BICD1: variants seen among roughly 807,000 people sequenced by gnomAD.
BICD1 encodes protein bicaudal D homolog 1.
BICD1 carries 35 observed loss-of-function variants against 92.5 expected under a neutral mutation model. The observed-to-expected ratio is 0.38, with a 90% CI of 0.29 to 0.50. The LOEUF is 0.50. Among genes scored for constraint, BICD1 ranks in the 20% least tolerant of loss-of-function variants. BICD1 has a pLI of 0.93. For missense variants in BICD1, 950 were observed against 1,189.8 expected, an observed-to-expected ratio of 0.80 and a Z score of 2.97; for synonymous variants, 429 against 465.1, an observed-to-expected ratio of 0.92 and a Z score of 1.00.
rs144797122 is a variant in BICD1, at chr12:32,281,474, C to A, written c.427-12520C>A. 4.9e-3 allele frequency among the ~76,000 whole-genome samples: 744 copies of A among 152,244 alleles called. 4 individuals carry two copies. The highest frequency in any genetic ancestry group is 0.017 in the African/African-American group (693 of 41,530). ...CCATCAGCTTGTTATTGGCTGGCAC[C>A]ACAGAGATGTGTTTCTCTGGCCCTC... is the stretch of plus-strand genomic sequence containing the variant. On this transcript the variant is annotated intron_variant, in intron 2 of 9. Transcript: ENST00000652176.
chr12:32,282,184 C>A, intron 2 of BICD1, among the ~76,000 whole-genome samples: 2 of 147,134 alleles, frequency 1.4e-5, no homozygotes, highest in East Asian at 2.0e-4. Context: ...AAAGCAAGAC[C>A]CAGCTTCAGG....
chr12:32,237,049 G>C (rs1240096894), intron 2 of BICD1, among the ~76,000 whole-genome samples: 1 of 151,712 alleles, frequency 6.6e-6, no homozygotes, highest in Non-Finnish European at 1.5e-5. Flanking sequence ...TAATTTTTTT[G>C]TATTTTTAAT....
intron 3 of BICD1, among the ~76,000 whole-genome samples, chr12:32,299,829 C>T (rs944144494): frequency 2.6e-5 from 4 of 152,136 alleles, no homozygotes; most frequent in African/African-American, 9.7e-5. Context: ...AAGTCTAGGC[C>T]ATCAATTGAA....
chr12:32,253,978 G>A (rs1946643396), intron 2 of BICD1, among the ~76,000 whole-genome samples: 1 of 146,380 alleles, frequency 6.8e-6, no homozygotes, highest in Admixed American at 6.7e-5. Context: ...CATAATCACT[G>A]CCGTATCCCA....
At chr12:32,169,225 GA>G (rs1183576933) in intron 1 of BICD1, among the ~76,000 whole-genome samples, 1 of 152,118 alleles carries the variant, frequency 6.6e-6, no homozygotes, top group Non-Finnish European at 1.5e-5. Flanking sequence ...TTATTTTCAA[GA>G]AAAATAATAG....
intron 2 of BICD1, among the ~76,000 whole-genome samples, chr12:32,232,365 T>G (rs1254026583): frequency 6.6e-6 from 1 of 152,112 alleles, no homozygotes; most frequent in Non-Finnish European, 1.5e-5. Flanking sequence ...TTCATGTGTT[T>G]TTTGGCTGCA....
At position 32,325,802 on chromosome 12, in the gene BICD1, C is replaced by T. The variant is rs537515919; in HGVS notation, c.1006-1659C>T. Among the ~76,000 whole-genome samples the T allele has an allele frequency of 1.5e-4, 23 of 152,106 alleles. 1 individual carries two copies. Among genetic ancestry groups the T allele is most frequent in the African/African-American group, 5.3e-4 (22 of 41,512 alleles). ...TTGAAAGTTTGAATTGGGCCAGGCGCGGTGGCTCACGCCTATAATCTTTGG... is the reference window on the plus strand; with the variant it reads ...TTGAAAGTTTGAATTGGGCCAGGCGTGGTGGCTCACGCCTATAATCTTTGG... On this transcript the variant is annotated intron_variant, in intron 4 of 9. Coordinates refer to ENST00000652176, the MANE Select transcript of BICD1 (RefSeq NM_001714.4).
rs1453658034 is a variant in BICD1, at chr12:32,382,199, A to G, written c.*4572A>G. 2 of 152,110 alleles carry G rather than the reference A, an allele frequency of 1.3e-5. No homozygotes were observed. The highest frequency in any genetic ancestry group is 2.9e-5 in the Non-Finnish European group (2 of 67,958). 9.4% of individuals were successfully genotyped at this position (152,110 alleles called of 1,614,324 possible). A position where few individuals can be genotyped will look rare whatever the true frequency, so the allele number is the denominator to read the frequency against. On this transcript the variant is annotated 3_prime_UTR_variant, in exon 10 of 10. Coordinates refer to ENST00000652176, the MANE Select transcript of BICD1 (RefSeq NM_001714.4). Reference sequence around the variant, plus strand: ...CCTGATCGTATTATGTTTACAGCTGAAAGATTTCATCTAGACATGTCTTTC... The same window carrying G: ...CCTGATCGTATTATGTTTACAGCTGGAAGATTTCATCTAGACATGTCTTTC...
intron 2 of BICD1, among the ~76,000 whole-genome samples, chr12:32,264,067 T>C (rs999006839): frequency 2.0e-5 from 3 of 152,244 alleles, no homozygotes; most frequent in Admixed American, 6.5e-5. Context: ...ACTTACAGAA[T>C]GCAAATCATT....
intron 1 of BICD1, among the ~76,000 whole-genome samples, chr12:32,159,659 A>G (rs1943542609): frequency 6.6e-6 from 1 of 152,206 alleles, no homozygotes. Flanking sequence ...TTTGGCTGCC[A>G]GAGACCCGGT....
intron 6 of BICD1, among the ~76,000 whole-genome samples, chr12:32,336,349 T>C (rs117592595): frequency 0.013 from 1,945 of 152,366 alleles, 16 homozygotes; most frequent in Non-Finnish European, 0.02. Flanking sequence ...TTATCTTTCT[T>C]CTTCGGCACA....
At chr12:32,213,909 A>G (rs988357516) in intron 1 of BICD1, among the ~76,000 whole-genome samples, 3 of 152,194 alleles carry the variant, frequency 2.0e-5, no homozygotes, top group Admixed American at 2.0e-4. Flanking sequence ...CATTAATTTT[A>G]GATACTATTG....
intron 5 of BICD1, among the ~76,000 whole-genome samples, chr12:32,329,483 T>C (rs1431859233): frequency 6.6e-6 from 1 of 152,150 alleles, no homozygotes; most frequent in East Asian, 1.9e-4. Context: ...AAGTCAGGGA[T>C]GAAAGGCAAG....
At chr12:32,331,047 T>C (rs1035697294) in intron 5 of BICD1, among the ~76,000 whole-genome samples, 1 of 151,870 alleles carries the variant, frequency 6.6e-6, no homozygotes, top group Non-Finnish European at 1.5e-5. Context: ...GGCAGGAGAA[T>C]CACTTGAACC....
rs572739117 is a variant in BICD1 at position 32,206,995 on chromosome 12, C to T, written c.214-9252C>T. Among the ~76,000 whole-genome samples, 8 of 152,184 alleles carry T rather than the reference C, an allele frequency of 5.3e-5. No individual in the cohort carries two copies. In the East Asian group the frequency reaches 1.5e-3, roughly 29 times the overall value. ...ACAATATTAAATAGCATTTTATTTACAGAAACATACATATATGGTAAACTA... is the reference window on the plus strand; with the variant it reads ...ACAATATTAAATAGCATTTTATTTATAGAAACATACATATATGGTAAACTA... On this transcript the variant is annotated intron_variant, in intron 1 of 9. Coordinates refer to ENST00000652176, the MANE Select transcript of BICD1 (RefSeq NM_001714.4).
intron 1 of BICD1, among the ~76,000 whole-genome samples, chr12:32,153,245 A>G (rs1482448620): frequency 6.6e-6 from 1 of 152,124 alleles, no homozygotes; most frequent in Non-Finnish European, 1.5e-5. Context: ...AAAGGACATG[A>G]TTTTGATTTT....
chr12:32,173,340 G>A (rs1178991777), intron 1 of BICD1, among the ~76,000 whole-genome samples: 1 of 152,132 alleles, frequency 6.6e-6, no homozygotes. Context: ...CTGAGCCACC[G>A]TGCCCGGCCC....
intron 1 of BICD1, among the ~76,000 whole-genome samples, chr12:32,201,667 T>C (rs1440122092): frequency 1.3e-5 from 2 of 151,956 alleles, no homozygotes; most frequent in Non-Finnish European, 2.9e-5. Flanking sequence ...ATAAAGACAC[T>C]CATTGGCCAA....
chr12:32,176,011 G>T (rs1944079511), intron 1 of BICD1, among the ~76,000 whole-genome samples: 1 of 152,098 alleles, frequency 6.6e-6, no homozygotes, highest in Non-Finnish European at 1.5e-5. Flanking sequence ...GACTGCTTTC[G>T]CTTAGCATAA....
Sources: allele counts gnomAD v4.1 joint callset (sites outside exome capture counted in the v4.1 genomes callset), GRCh38; gene constraint gnomAD v4.1.1; transcripts MANE v1.5; gene names NCBI Gene and HGNC (gene_info 2026-07-23, HGNC 2026-07-21).